The following CNTNAP5 variants were observed in gnomAD, a reference collection of about 807,000 sequenced individuals.
The protein encoded by CNTNAP5 is contactin-associated protein-like 5.
In CNTNAP5, 72 loss-of-function variants were observed where a neutral mutation model predicts 150.2. The observed-to-expected ratio is 0.48, with a 90% CI of 0.40 to 0.58. CNTNAP5 has a LOEUF of 0.58. CNTNAP5 is among the 20% of genes least tolerant of loss of function. The pLI is 0.00. For synonymous variants in CNTNAP5, 672 were observed against 619.8 expected (o/e 1.08, Z -1.25); for missense variants, 1,636 against 1,626.2 (o/e 1.01, Z -0.10).
intron 3 of CNTNAP5, among the ~76,000 whole-genome samples, chr2:124,379,924 T>C (rs1047245598): frequency 1.3e-5 from 2 of 152,164 alleles, no homozygotes; most frequent in African/African-American, 4.8e-5. Context: ...GATACTTTGG[T>C]TGTGGAAACC....
At chr2:124,650,780 T>C (rs1678304639) in intron 13 of CNTNAP5, among the ~76,000 whole-genome samples, 1 of 152,216 alleles carries the variant, frequency 6.6e-6, no homozygotes, top group Non-Finnish European at 1.5e-5. Flanking sequence ...TCATTTTCAT[T>C]AACTATAGAG....
At position 124,712,745 on chromosome 2, in the gene CNTNAP5, C is replaced by CT. The variant is rs59437788; in HGVS notation, c.2078-34472dup. Among the ~76,000 whole-genome samples the CT allele has an allele frequency of 3.8e-3, 563 of 146,722 alleles. 2 individuals are homozygous for CT. Among genetic ancestry groups the CT allele is most frequent in the East Asian group, 0.018 (89 of 4,982 alleles). ...TGGAAGAGGCCAGAGCACTCTCAGC[C>CT]TTTTTTTTTTTTCTTTTTAAGAGAC... On this transcript the variant is annotated intron_variant, in intron 13 of 23. Transcript: ENST00000682447.
At chr2:124,708,381 C>T (rs13007184) in intron 13 of CNTNAP5, among the ~76,000 whole-genome samples, 24,741 of 152,112 alleles carry the variant, frequency 0.16, 2,285 homozygotes, top group East Asian at 0.24. Flanking sequence ...GGAGCTCAAT[C>T]ATTGGTAGTT....
At chr2:124,122,649 G>A (rs1468848877) in intron 1 of CNTNAP5, among the ~76,000 whole-genome samples, 3 of 152,114 alleles carry the variant, frequency 2.0e-5, no homozygotes, top group Non-Finnish European at 4.4e-5. Context: ...AAGTCACAGA[G>A]CTTCGATTTA....
intron 10 of CNTNAP5, among the ~76,000 whole-genome samples, chr2:124,532,924 C>T (rs1695143697): frequency 6.6e-6 from 1 of 152,084 alleles, no homozygotes; most frequent in Non-Finnish European, 1.5e-5. Context: ...TCTCTAGTTT[C>T]CATGGGGAGA....
chr2:124,525,978 G>A (rs1244285776), intron 9 of CNTNAP5, among the ~76,000 whole-genome samples: 1 of 152,094 alleles, frequency 6.6e-6, no homozygotes, highest in African/African-American at 2.4e-5. Flanking sequence ...AAGGGTGTTG[G>A]GGTCCGAAAA....
intron 12 of CNTNAP5, among the ~76,000 whole-genome samples, chr2:124,616,982 G>C (rs1677506183): frequency 6.6e-6 from 1 of 152,046 alleles, no homozygotes; most frequent in South Asian, 2.1e-4. Context: ...CATAGCAAAT[G>C]TAATAATAAT....
chr2:124,692,252 G>T (rs1679314561), intron 13 of CNTNAP5, among the ~76,000 whole-genome samples: 1 of 152,052 alleles, frequency 6.6e-6, no homozygotes, highest in Non-Finnish European at 1.5e-5. Context: ...TCAACCAGAG[G>T]TCAGCAAACA....
At chr2:124,159,537 T>G (rs998405628) in intron 1 of CNTNAP5, among the ~76,000 whole-genome samples, 23 of 152,206 alleles carry the variant, frequency 1.5e-4, no homozygotes, top group Non-Finnish European at 2.6e-4. Flanking sequence ...ATTTGAACAC[T>G]TTGTCCCAGT....
intron 3 of CNTNAP5, among the ~76,000 whole-genome samples, chr2:124,394,750 A>G (rs139049440): frequency 3.2e-4 from 49 of 152,296 alleles, no homozygotes; most frequent in African/African-American, 1.1e-3. Flanking sequence ...CCCAAGTCTC[A>G]TTGTGGTGGA....
chr2:124,447,010 G>T, intron 6 of CNTNAP5, 73 bp downstream of exon 6: 8 of 1,428,566 alleles, frequency 5.6e-6, no homozygotes, highest in Non-Finnish European at 7.8e-6. Flanking sequence ...TCAGTGAGCA[G>T]ACCAACTGAG....
intron 3 of CNTNAP5, among the ~76,000 whole-genome samples, chr2:124,369,206 A>G: frequency 6.6e-6 from 1 of 152,144 alleles, no homozygotes; most frequent in East Asian, 1.9e-4. Flanking sequence ...CAGGAGAGCC[A>G]GGGGCTTATA....
chr2:124,718,672 C>T (rs1041570412), intron 13 of CNTNAP5, among the ~76,000 whole-genome samples: 5 of 152,066 alleles, frequency 3.3e-5, no homozygotes, highest in Non-Finnish European at 7.4e-5. Flanking sequence ...TACTTAGTGA[C>T]CACTGGCCAC....
chr2:124,404,027 A>T (rs972509345), intron 3 of CNTNAP5, among the ~76,000 whole-genome samples: 2 of 152,302 alleles, frequency 1.3e-5, no homozygotes, highest in African/African-American at 2.4e-5. Context: ...GGTGGGGGTT[A>T]TGGGAGCAAC....
Position 124,173,915 on chromosome 2 carries a change from G to T in CNTNAP5, c.83-47790G>T, listed in dbSNP as rs996763389. Among the ~76,000 whole-genome samples the T allele has an allele frequency of 2.2e-4, 33 of 152,100 alleles. 1 individual carries two copies. Among genetic ancestry groups the T allele is most frequent in the Admixed American group, 2.1e-3 (32 of 15,272 alleles). On this transcript the variant is annotated intron_variant, in intron 1 of 23. Transcript: ENST00000682447. ...TTCACAGAACAGGCTCTTTCTAGGG[G>T]TTCATGCCTCTGGTGTCTTAACATT...
chr2:124,401,581 A>G (rs1029807989), intron 3 of CNTNAP5, among the ~76,000 whole-genome samples: 4 of 152,238 alleles, frequency 2.6e-5, no homozygotes, highest in Admixed American at 6.5e-5. Flanking sequence ...CAGAGGCCCA[A>G]TGGTGATTTA....
At chr2:124,126,157 T>G (rs1040536853) in intron 1 of CNTNAP5, among the ~76,000 whole-genome samples, 2 of 152,042 alleles carry the variant, frequency 1.3e-5, no homozygotes, top group Non-Finnish European at 2.9e-5. Flanking sequence ...ACAAAATTGA[T>G]AGACTGCTAG....
intron 1 of CNTNAP5, among the ~76,000 whole-genome samples, chr2:124,042,767 A>T (rs1408262523): frequency 6.6e-6 from 1 of 150,498 alleles, no homozygotes; most frequent in African/African-American, 2.4e-5. Flanking sequence ...CCTCTTGCAT[A>T]AGCGTAACTC....
chr2:124,728,113 T>C (rs1680198758), intron 13 of CNTNAP5, among the ~76,000 whole-genome samples: 1 of 152,110 alleles, frequency 6.6e-6, no homozygotes, highest in Non-Finnish European at 1.5e-5. Context: ...ATTTATTGAT[T>C]TGTATATGTT....
Sources: gnomAD v4.1 joint callset for allele counts (sites outside exome capture counted in the v4.1 genomes callset) on GRCh38, gnomAD v4.1.1 for gene constraint, MANE v1.5 for transcripts, NCBI Gene and HGNC (gene_info 2026-07-23, HGNC 2026-07-21) for gene names.